Variants in GABRB1 observed in about 807,000 individuals in gnomAD.
The protein encoded by GABRB1 is gamma-aminobutyric acid receptor subunit beta-1.
GABRB1 carries 17 observed loss-of-function variants against 51.6 expected under a neutral mutation model. The ratio of observed to expected loss-of-function variants is 0.33; its 90% CI spans 0.23 to 0.49. GABRB1 has a LOEUF of 0.49. Among genes scored for constraint, GABRB1 ranks in the 20% least tolerant of loss-of-function variants. The probability of loss-of-function intolerance (pLI) is 0.99; values close to 1 mark genes in which losing one functional copy is unlikely to be tolerated. For missense variants in GABRB1, 410 were observed against 600.6 expected (o/e 0.68, Z 3.32); for synonymous variants, 247 against 218.9 (o/e 1.13, Z -1.14).
chr4:47,109,806 T>G (rs28595484), intron 3 of GABRB1, among the ~76,000 whole-genome samples: 10,113 of 152,182 alleles, frequency 0.066, 871 homozygotes, highest in African/African-American at 0.2. Flanking sequence ...AGTTCTTTTC[T>G]GATCTTTTGA....
At chr4:47,174,324 T>TG (rs1718574543) in intron 4 of GABRB1, among the ~76,000 whole-genome samples, 1 of 152,062 alleles carries the variant, frequency 6.6e-6, no homozygotes, top group African/African-American at 2.4e-5. Flanking sequence ...TCCTGGGCCT[T>TG]GCAGTGTTGG....
At chr4:46,997,475 C>G (rs537669345) in intron 1 of GABRB1, among the ~76,000 whole-genome samples, 1 of 151,330 alleles carries the variant, frequency 6.6e-6, no homozygotes, top group Admixed American at 6.6e-5. Context: ...TAACTTCGTA[C>G]GCTTCAAGCT....
chr4:47,123,853 A>C (rs1422588453), intron 3 of GABRB1, among the ~76,000 whole-genome samples: 1 of 82,860 alleles, frequency 1.2e-5, no homozygotes, highest in African/African-American at 4.8e-5. Context: ...TATATATTAT[A>C]TCATATATAT....
intron 3 of GABRB1, among the ~76,000 whole-genome samples, chr4:47,041,615 T>G (rs981975885): frequency 5.3e-5 from 8 of 152,112 alleles, no homozygotes; most frequent in African/African-American, 1.9e-4. Context: ...GTATCTTCCC[T>G]GAAAACAGAG....
intron 3 of GABRB1, among the ~76,000 whole-genome samples, chr4:47,093,004 G>C (rs1204357790): frequency 1.3e-5 from 2 of 152,150 alleles, no homozygotes; most frequent in East Asian, 3.8e-4. Context: ...AAAGAGATGA[G>C]TAACATACTT....
intron 5 of GABRB1, among the ~76,000 whole-genome samples, chr4:47,333,787 A>C (rs1725590877): frequency 6.6e-6 from 1 of 152,194 alleles, no homozygotes. Context: ...CAAACATAAA[A>C]AATTATATAA....
At chr4:47,001,823 G>A (rs1048490212) in intron 1 of GABRB1, among the ~76,000 whole-genome samples, 48 of 152,130 alleles carry the variant, frequency 3.2e-4, no homozygotes, top group Admixed American at 2.4e-3. Context: ...AAAATTAAAT[G>A]TTTATTAAAT....
chr4:47,306,683 T>C (rs1355628136), intron 4 of GABRB1, among the ~76,000 whole-genome samples: 1 of 152,154 alleles, frequency 6.6e-6, no homozygotes, highest in East Asian at 1.9e-4. Flanking sequence ...ACATATATGC[T>C]AATGTTTCAT....
chr4:47,356,146 T>A (rs13122602), intron 5 of GABRB1, among the ~76,000 whole-genome samples: 15,177 of 152,176 alleles, frequency 0.1, 944 homozygotes, highest in African/African-American at 0.17. Flanking sequence ...AAGATCTGGC[T>A]CCCCAAAGGG....
chr4:47,080,566 A>T (rs536433696), intron 3 of GABRB1, among the ~76,000 whole-genome samples: 78 of 151,888 alleles, frequency 5.1e-4, no homozygotes, highest in African/African-American at 1.0e-3. Context: ...CTTTTTTTTT[A>T]AAAAAAATTA....
At chr4:47,287,697 A>T (rs1398191553) in intron 4 of GABRB1, among the ~76,000 whole-genome samples, 1 of 152,240 alleles carries the variant, frequency 6.6e-6, no homozygotes, top group Non-Finnish European at 1.5e-5. Context: ...CACAAGTGAT[A>T]CAATGTCATG....
At chr4:47,150,812 T>G (rs1577954132) in intron 3 of GABRB1, among the ~76,000 whole-genome samples, 1 of 152,084 alleles carries the variant, frequency 6.6e-6, no homozygotes, top group South Asian at 2.1e-4. Flanking sequence ...GTGAAAAAAG[T>G]AACAATGCAT....
At chr4:47,223,693 G>T (rs1278309159) in intron 4 of GABRB1, among the ~76,000 whole-genome samples, 3 of 152,092 alleles carry the variant, frequency 2.0e-5, no homozygotes, top group Admixed American at 2.0e-4. Context: ...TATTCCCATG[G>T]TCTGAGATGC....
At position 47,129,285 on chromosome 4, in the gene GABRB1, G is replaced by A. The variant is rs564850390; in HGVS notation, c.241-31964G>A. 4.2e-3 allele frequency among the ~76,000 whole-genome samples: 637 copies of A among 152,140 alleles called. 3 individuals carry two copies. Among genetic ancestry groups the A allele is most frequent in the Middle Eastern group, 0.01 (3 of 292 alleles). ...CTTTTAAAGCACTGATCAAAACAGA[G>A]GCATGATAGAAAATCACTAGCAAAG... On this transcript the variant is annotated intron_variant, in intron 3 of 8. Transcript: ENST00000295454.
chr4:47,044,743 T>C (rs963895754), intron 3 of GABRB1, among the ~76,000 whole-genome samples: 1 of 152,028 alleles, frequency 6.6e-6, no homozygotes. Context: ...TATTCAGATA[T>C]AATAAATATA....
chr4:47,112,376 T>A (rs1261780365), intron 3 of GABRB1, among the ~76,000 whole-genome samples: 1 of 152,178 alleles, frequency 6.6e-6, no homozygotes, highest in Non-Finnish European at 1.5e-5. Context: ...AGTGCTGGGA[T>A]TACAGGCGTG....
chr4:47,354,671 C>T (rs998686808), intron 5 of GABRB1, among the ~76,000 whole-genome samples: 3 of 152,052 alleles, frequency 2.0e-5, no homozygotes, highest in South Asian at 2.1e-4. Flanking sequence ...ATCCTTCCCC[C>T]GTAGCTTCCT....
chr4:47,301,612 C>T (rs1724265206), intron 4 of GABRB1, among the ~76,000 whole-genome samples: 1 of 135,936 alleles, frequency 7.4e-6, no homozygotes. Flanking sequence ...CCAGCCTGGG[C>T]AACTGAGCTA....
At chr4:47,306,079 T>G (rs1478328123) in intron 4 of GABRB1, among the ~76,000 whole-genome samples, 1 of 152,026 alleles carries the variant, frequency 6.6e-6, no homozygotes, top group South Asian at 2.1e-4. Context: ...GATATCAAAC[T>G]GGAAAGTAAC....
Sources: allele counts gnomAD v4.1 joint callset (sites outside exome capture counted in the v4.1 genomes callset), GRCh38; gene constraint gnomAD v4.1.1; transcripts MANE v1.5; gene names NCBI Gene and HGNC (gene_info 2026-07-23, HGNC 2026-07-21).